The following GPR158 variants were observed in gnomAD, a reference collection of about 807,000 sequenced individuals.
The protein encoded by GPR158 is G protein-coupled receptor 158.
In GPR158, 30 loss-of-function variants were observed where a neutral mutation model predicts 78.2. That is an observed-to-expected ratio of 0.38 (90% CI 0.29 to 0.52). The LOEUF (loss-of-function observed/expected upper bound fraction) is 0.52. GPR158 is among the 20% of genes least tolerant of loss of function. The pLI is 0.83. For synonymous variants in GPR158, 581 were observed against 591.1 expected, an observed-to-expected ratio of 0.98 and a Z score of 0.25; for missense variants, 1,463 against 1,523.5, an observed-to-expected ratio of 0.96 and a Z score of 0.66.
intron 7 of GPR158, among the ~76,000 whole-genome samples, chr10:25,576,374 CA>C (rs2130735647): frequency 6.6e-6 from 1 of 152,284 alleles, no homozygotes; most frequent in South Asian, 2.1e-4. Context: ...ACTCCCTCTA[CA>C]ATAGCTCTTT....
intron 2 of GPR158, among the ~76,000 whole-genome samples, chr10:25,269,841 C>A (rs893020276): frequency 6.6e-6 from 1 of 152,146 alleles, no homozygotes; most frequent in Non-Finnish European, 1.5e-5. Flanking sequence ...AGTGTTCATC[C>A]TTTAACGTTT....
chr10:25,513,465 CA>C lies in GPR158; in HGVS notation c.1405-37508del, dbSNP rs536509004. Among the ~76,000 whole-genome samples, 563 of 151,146 alleles carry C rather than the reference CA, an allele frequency of 3.7e-3. 6 individuals are homozygous for C. Among genetic ancestry groups the C allele is most frequent in the African/African-American group, 0.013 (537 of 41,230 alleles). On this transcript the variant is annotated intron_variant, in intron 5 of 10. Coordinates refer to ENST00000376351, the MANE Select transcript of GPR158 (RefSeq NM_020752.3). ...CAGTCTGTCAATTTTATTATCTTTT[CA>C]AAGAACTAGTTTTTTGTTTCATTTA...
At chr10:25,211,952 A>G (rs1853137347) in intron 1 of GPR158, among the ~76,000 whole-genome samples, 1 of 152,010 alleles carries the variant, frequency 6.6e-6, no homozygotes, top group Non-Finnish European at 1.5e-5. Flanking sequence ...GTATGTCCTA[A>G]TATTTGGTTG....
At chr10:25,542,503 T>C (rs1344350994) in intron 5 of GPR158, among the ~76,000 whole-genome samples, 1 of 152,092 alleles carries the variant, frequency 6.6e-6, no homozygotes, top group African/African-American at 2.4e-5. Context: ...GTGTCTATAC[T>C]TGCAAATAAG....
Position 25,598,485 on chromosome 10 carries a change from T to G in GPR158, c.2859T>G (p.Thr953=). Residue 953 remains threonine (T), a synonymous_variant, in exon 11 of 11, where the codon ACT becomes ACG. Transcript: ENST00000376351. The part of the protein sequence containing the change: ...RNHSNSDNTE[T]KDPAPQNSNP... ...ACTCAAATTCTGATAACACAGAGAC[T>G]AAAGATCCTGCCCCCCAAAACTCAA... 1 of 1,614,034 alleles carries G rather than the reference T, an allele frequency of 6.2e-7. No homozygotes were observed. The highest frequency in any genetic ancestry group is 8.5e-7 in the Non-Finnish European group (1 of 1,179,994).
In GPR158 at chr10:25,475,148, A is replaced by T. The variant is rs141892656; in HGVS notation, c.1404+8429A>T. ...ACAAGGGAATCTTTCCTTGACTGAG[A>T]TTCAATTTTAAAAGATATCTGATTG... On this transcript the variant is annotated intron_variant, in intron 5 of 10. Coordinates refer to ENST00000376351, the MANE Select transcript of GPR158 (RefSeq NM_020752.3). Among the ~76,000 whole-genome samples, 261 of 152,260 alleles carry T rather than the reference A, an allele frequency of 1.7e-3. 2 individuals carry two copies. The highest frequency in any genetic ancestry group is 5.3e-3 in the Admixed American group (81 of 15,274).
chr10:25,340,730 GAAT>G (rs1282293675), intron 2 of GPR158, among the ~76,000 whole-genome samples: 1 of 151,956 alleles, frequency 6.6e-6, no homozygotes, highest in African/African-American at 2.4e-5. Context: ...TTAAAAAACA[GAAT>G]AGAGTGAGAA....
intron 2 of GPR158, among the ~76,000 whole-genome samples, chr10:25,346,802 A>T (rs1422664124): frequency 6.6e-6 from 1 of 151,950 alleles, no homozygotes; most frequent in African/African-American, 2.4e-5. Context: ...TTGATGAAAG[A>T]TCTAAATTTT....
intron 2 of GPR158, among the ~76,000 whole-genome samples, chr10:25,305,440 C>T (rs189906252): frequency 2.6e-5 from 4 of 152,190 alleles, no homozygotes; most frequent in African/African-American, 4.8e-5. Context: ...ATACATAGGC[C>T]AACAGATAAT....
At chr10:25,559,999 C>T (rs1273292561) in intron 6 of GPR158, among the ~76,000 whole-genome samples, 3 of 152,162 alleles carry the variant, frequency 2.0e-5, no homozygotes, top group African/African-American at 4.8e-5. Flanking sequence ...GCACAACCAC[C>T]AAAGAGTAAT....
chr10:25,460,718 A>G (rs1835348475), intron 4 of GPR158, among the ~76,000 whole-genome samples: 1 of 152,180 alleles, frequency 6.6e-6, no homozygotes, highest in African/African-American at 2.4e-5. Context: ...TAGTATGTAT[A>G]TGTACACAGA....
intron 2 of GPR158, among the ~76,000 whole-genome samples, chr10:25,380,570 T>C (rs1386066073): frequency 6.6e-6 from 1 of 152,192 alleles, no homozygotes; most frequent in African/African-American, 2.4e-5. Flanking sequence ...GTACAATTAC[T>C]TAGTTGTAAG....
At chr10:25,499,299 G>A (rs754363931) in intron 5 of GPR158, among the ~76,000 whole-genome samples, 3 of 152,140 alleles carry the variant, frequency 2.0e-5, no homozygotes, top group Non-Finnish European at 2.9e-5. Context: ...GAAATACAGT[G>A]CGCTCACAAG....
At chr10:25,492,472 C>A (rs1478612911) in intron 5 of GPR158, among the ~76,000 whole-genome samples, 1 of 151,894 alleles carries the variant, frequency 6.6e-6, no homozygotes, top group African/African-American at 2.4e-5. Flanking sequence ...TGATTGTCCA[C>A]TGTATGTTCC....
At chr10:25,486,024 G>A (rs960659099) in intron 5 of GPR158, among the ~76,000 whole-genome samples, 1 of 152,054 alleles carries the variant, frequency 6.6e-6, no homozygotes, top group African/African-American at 2.4e-5. Flanking sequence ...CTATCTCTGA[G>A]GAAGTGAGCC....
rs60614079 is a variant in GPR158 at position 25,503,893 on chromosome 10, C to CT, written c.1404+37189dup. ...TCATTTGGTTTCAACTCTATTTTCA[C>CT]TTTTTTTTTTTTTTTGAGACAGAGC... is the stretch of plus-strand genomic sequence containing the variant. On this transcript the variant is annotated intron_variant, in intron 5 of 10. Coordinates refer to ENST00000376351, the MANE Select transcript of GPR158 (RefSeq NM_020752.3). 6.5e-3 allele frequency among the ~76,000 whole-genome samples: 914 copies of CT among 140,650 alleles called. 6 individuals carry two copies. The highest frequency in any genetic ancestry group is 0.011 in the African/African-American group (440 of 38,274). 92.3% of individuals were successfully genotyped at this position (140,650 alleles called of 152,430 possible). A position where few individuals can be genotyped will look rare whatever the true frequency, so the allele number is the denominator to read the frequency against.
intron 3 of GPR158, among the ~76,000 whole-genome samples, chr10:25,404,649 A>T (rs1834488902): frequency 6.6e-6 from 1 of 152,080 alleles, no homozygotes; most frequent in East Asian, 1.9e-4. Context: ...TTTATGGCCC[A>T]GTATTTTGAG....
chr10:25,208,248 A>G (rs1285349737), intron 1 of GPR158, among the ~76,000 whole-genome samples: 2 of 152,250 alleles, frequency 1.3e-5, no homozygotes, highest in African/African-American at 4.8e-5. Context: ...TCTAGCAAAC[A>G]TACAGAGATT....
At chr10:25,187,763 C>G (rs1352932463) in intron 1 of GPR158, among the ~76,000 whole-genome samples, 11 of 151,648 alleles carry the variant, frequency 7.3e-5, no homozygotes, top group Non-Finnish European at 7.4e-5. Context: ...ATTCAACATA[C>G]TGTTGGAAGT....
Sources: gnomAD v4.1 joint callset for allele counts (sites outside exome capture counted in the v4.1 genomes callset) on GRCh38, gnomAD v4.1.1 for gene constraint, MANE v1.5 for transcripts, NCBI Gene and HGNC (gene_info 2026-07-23, HGNC 2026-07-21) for gene names.